Variants in ANO4 observed in about 807,000 individuals in gnomAD.
ANO4 encodes the protein anoctamin-4.
Under a neutral mutation model 141.9 loss-of-function variants are expected in ANO4, and 69 were observed. The ratio of observed to expected loss-of-function variants is 0.49; its 90% CI spans 0.40 to 0.59. The LOEUF (loss-of-function observed/expected upper bound fraction) is 0.59. ANO4 is among the 20% of genes least tolerant of loss of function. ANO4 has a pLI of 0.00. For missense variants in ANO4, 894 were observed against 1,162.2 expected (o/e 0.77, Z 3.36); for synonymous variants, 350 against 394.3 (o/e 0.89, Z 1.33).
intron 1 of ANO4, among the ~76,000 whole-genome samples, chr12:100,726,233 TA>T (rs200135686): frequency 1.2e-4 from 18 of 148,806 alleles, no homozygotes; most frequent in South Asian, 4.3e-4. Context: ...TAAACTTCAG[TA>T]AAAAAAAAAG....
At chr12:100,940,988 C>T (rs1310023507) in intron 4 of ANO4, among the ~76,000 whole-genome samples, 2 of 151,996 alleles carry the variant, frequency 1.3e-5, no homozygotes, top group Admixed American at 6.6e-5. Context: ...AAATGAACAC[C>T]TGGAACCACC....
intron 1 of ANO4, among the ~76,000 whole-genome samples, chr12:100,816,501 G>A (rs766712427): frequency 2.0e-5 from 3 of 151,954 alleles, no homozygotes; most frequent in Non-Finnish European, 4.4e-5. Context: ...GGATATAGAT[G>A]CCTCATTTAG....
At chr12:100,850,381 T>C (rs960095677) in intron 1 of ANO4, among the ~76,000 whole-genome samples, 2 of 152,174 alleles carry the variant, frequency 1.3e-5, no homozygotes, top group Non-Finnish European at 2.9e-5. Flanking sequence ...TTCCATTTTG[T>C]TGAAGGATCA....
chr12:101,015,275 A>G (rs998659923), intron 8 of ANO4, among the ~76,000 whole-genome samples: 58 of 152,172 alleles, frequency 3.8e-4, no homozygotes, highest in African/African-American at 1.3e-3. Flanking sequence ...GTCCTCCCAT[A>G]GTCATTCTGT....
At chr12:100,965,832 A>G (rs1231717870) in intron 5 of ANO4, among the ~76,000 whole-genome samples, 1 of 151,934 alleles carries the variant, frequency 6.6e-6, no homozygotes, top group Non-Finnish European at 1.5e-5. Context: ...ACAGAACTAT[A>G]TTCTTTTCCT....
chr12:101,094,300 G>A lies in ANO4; in HGVS notation c.1738+8G>A. 6.2e-7 allele frequency: 1 copy of A among 1,606,020 alleles called. No homozygotes were observed. The highest frequency in any genetic ancestry group is 1.1e-5 in the South Asian group (1 of 90,820). ...TGCTTCTGACGAATTTAGGTGAGTG[G>A]AATCCTTTCTATTTCATAGAACTGT... On this transcript the variant is annotated splice_region_variant and intron_variant, in intron 18 of 27. Transcript: ENST00000392977.
chr12:100,843,600 A>G (rs961941156), intron 1 of ANO4, among the ~76,000 whole-genome samples: 1 of 152,244 alleles, frequency 6.6e-6, no homozygotes, highest in African/African-American at 2.4e-5. Context: ...CCTGTAATTT[A>G]GAAGACAGGT....
intron 3 of ANO4, among the ~76,000 whole-genome samples, chr12:100,930,764 A>C (rs2042058457): frequency 6.6e-6 from 1 of 152,168 alleles, no homozygotes; most frequent in South Asian, 2.1e-4. Context: ...CACTAGCAGA[A>C]GTTTCTAAAC....
At chr12:100,803,397 A>G (rs916955649) in intron 1 of ANO4, among the ~76,000 whole-genome samples, 4 of 152,234 alleles carry the variant, frequency 2.6e-5, no homozygotes, top group Non-Finnish European at 4.4e-5. Flanking sequence ...AACATTTACA[A>G]GAACAAATTC....
At chr12:100,881,143 G>C (rs1452949625) in intron 1 of ANO4, among the ~76,000 whole-genome samples, 2 of 151,714 alleles carry the variant, frequency 1.3e-5, no homozygotes, top group Non-Finnish European at 2.9e-5. Flanking sequence ...TTGGGGTGGG[G>C]GGAGGCGGGA....
At chr12:101,010,010 G>A (rs181932913) in intron 8 of ANO4, among the ~76,000 whole-genome samples, 226 of 152,112 alleles carry the variant, frequency 1.5e-3, no homozygotes, top group African/African-American at 4.9e-3. Context: ...CTGGGATTTC[G>A]TAGTATAAAT....
chr12:101,000,539 A>G (rs553343821), intron 8 of ANO4, among the ~76,000 whole-genome samples: 8 of 152,212 alleles, frequency 5.3e-5, no homozygotes, highest in Admixed American at 3.3e-4. Context: ...TAGTGCCTCA[A>G]TGACTTAAAG....
chr12:100,826,437 A>C (rs1461384348), intron 1 of ANO4, among the ~76,000 whole-genome samples: 1 of 152,016 alleles, frequency 6.6e-6, no homozygotes, highest in Non-Finnish European at 1.5e-5. Flanking sequence ...TGATGCATTG[A>C]GTTTCACTAA....
At chr12:100,728,312 T>A (rs2031228618) in intron 1 of ANO4, among the ~76,000 whole-genome samples, 1 of 152,360 alleles carries the variant, frequency 6.6e-6, no homozygotes. Flanking sequence ...TGTAGTTTTG[T>A]CCACACTTTT....
intron 1 of ANO4, among the ~76,000 whole-genome samples, chr12:100,864,507 C>T (rs965460381): frequency 1.3e-5 from 2 of 152,148 alleles, no homozygotes; most frequent in African/African-American, 2.4e-5. Flanking sequence ...GTTCTCACCC[C>T]CGCATTGATT....
intron 8 of ANO4, among the ~76,000 whole-genome samples, chr12:101,005,043 CA>C (rs1337626372): frequency 1.3e-5 from 2 of 152,198 alleles, no homozygotes; most frequent in African/African-American, 4.8e-5. Flanking sequence ...ATTTGGTCAA[CA>C]TTCAGAACAA....
intron 1 of ANO4, among the ~76,000 whole-genome samples, chr12:100,863,050 G>A (rs1364822079): frequency 1.3e-5 from 2 of 152,160 alleles, no homozygotes; most frequent in East Asian, 1.9e-4. Context: ...AGAAAGCCAC[G>A]AGCACATGGG....
intron 14 of ANO4, among the ~76,000 whole-genome samples, chr12:101,075,147 A>G (rs2938356): frequency 0.26 from 39,601 of 152,014 alleles, 5,520 homozygotes; most frequent in East Asian, 0.55. Context: ...AAGTGAGGGT[A>G]GGAGTTGACC....
intron 1 of ANO4, among the ~76,000 whole-genome samples, chr12:100,838,267 C>G (rs1412657601): frequency 1.3e-5 from 2 of 149,924 alleles, no homozygotes; most frequent in Non-Finnish European, 3.0e-5. Flanking sequence ...GCAAGAGTTA[C>G]CACCTGCTGC....
Sources: allele counts gnomAD v4.1 joint callset (sites outside exome capture counted in the v4.1 genomes callset), GRCh38; gene constraint gnomAD v4.1.1; transcripts MANE v1.5; gene names NCBI Gene and HGNC (gene_info 2026-07-23, HGNC 2026-07-21).